Variants in DLEU7 observed in about 807,000 individuals in gnomAD.
DLEU7 encodes the protein deleted in lymphocytic leukemia 7, also known as leukemia-associated protein 7.
In DLEU7, 17 loss-of-function variants were observed where a neutral mutation model predicts 16.0. The ratio of observed to expected loss-of-function variants is 1.06; its 90% CI spans 0.73 to 1.59. The LOEUF (loss-of-function observed/expected upper bound fraction) is 1.59, where lower values mean the gene tolerates loss of function less well. Ranked by LOEUF, DLEU7 falls within the 40% of genes most tolerant of loss-of-function variation. DLEU7 has a pLI of 0.00. For missense variants in DLEU7, 308 were observed against 314.9 expected, an observed-to-expected ratio of 0.98 and a Z score of 0.17; for synonymous variants, 113 against 139.8, an observed-to-expected ratio of 0.81 and a Z score of 1.35.
At chr13:50,752,862 C>T (rs1291665037) in intron 1 of DLEU7, among the ~76,000 whole-genome samples, 1 of 152,088 alleles carries the variant, frequency 6.6e-6, no homozygotes, top group South Asian at 2.1e-4. Flanking sequence ...CGGGTTGCCA[C>T]TGCTGGCTCA....
chr13:50,711,051 T>C (rs773951507), downstream of DLEU7: 19 of 152,214 alleles, frequency 1.2e-4, no homozygotes, highest in Non-Finnish European at 1.8e-4. Flanking sequence ...ACCAACACTT[T>C]ACTATATATT....
intron 1 of DLEU7, among the ~76,000 whole-genome samples, chr13:50,839,434 TGTTG>T (rs1412706166): frequency 6.6e-6 from 1 of 152,256 alleles, no homozygotes; most frequent in Non-Finnish European, 1.5e-5. Context: ...AGGAGTATTG[TGTTG>T]GTTTCTTTAA....
intron 1 of DLEU7, among the ~76,000 whole-genome samples, chr13:50,735,455 T>A (rs1874038024): frequency 6.6e-6 from 1 of 152,134 alleles, no homozygotes; most frequent in African/African-American, 2.4e-5. Context: ...ACTCTTTGTA[T>A]ACTATGGAAT....
At chr13:50,824,528 A>G (rs1266106466) in intron 1 of DLEU7, among the ~76,000 whole-genome samples, 4 of 152,306 alleles carry the variant, frequency 2.6e-5, no homozygotes, top group Admixed American at 2.6e-4. Context: ...AAAATTTTTT[A>G]AAGATTATTT....
chr13:50,816,856 C>T (rs537632372), intron 1 of DLEU7, among the ~76,000 whole-genome samples: 1 of 151,958 alleles, frequency 6.6e-6, no homozygotes, highest in African/African-American at 2.4e-5. Context: ...GCTTAGTGTA[C>T]CTCTTCCCCT....
intron 1 of DLEU7, among the ~76,000 whole-genome samples, chr13:50,804,783 T>G (rs982875981): frequency 2.6e-5 from 4 of 152,100 alleles, no homozygotes; most frequent in Non-Finnish European, 4.4e-5. Flanking sequence ...ATCTGACAAA[T>G]TTATTCTAAA....
chr13:50,760,343 C>CT lies in DLEU7; in HGVS notation c.460-47104dup, dbSNP rs546707933. Among the ~76,000 whole-genome samples, 48 of 151,978 alleles carry CT rather than the reference C, an allele frequency of 3.2e-4. No individual in the cohort carries two copies. In the East Asian group the frequency reaches 6.9e-3, roughly 22 times the overall value. On this transcript the variant is annotated intron_variant, in intron 1 of 1. Transcript: ENST00000400393. The stretch of plus-strand genomic sequence containing the variant: ...AAGTACTTTTAAGCACTTCAGTATT[C>CT]TTTTTTTTGGTGGGAGCTGGGGGCA...
chr13:50,718,259 A>G (rs1267357175), intron 1 of DLEU7, among the ~76,000 whole-genome samples: 1 of 152,250 alleles, frequency 6.6e-6, no homozygotes, highest in African/African-American at 2.4e-5. Flanking sequence ...AATAATTAAT[A>G]CATAAATTCA....
intron 1 of DLEU7, among the ~76,000 whole-genome samples, chr13:50,741,092 A>G (rs1874238922): frequency 6.6e-6 from 1 of 152,170 alleles, no homozygotes; most frequent in Admixed American, 6.5e-5. Context: ...CATCTAAACA[A>G]TCTTCTCTTC....
intron 1 of DLEU7, among the ~76,000 whole-genome samples, chr13:50,720,169 A>T (rs1414748194): frequency 6.6e-6 from 1 of 152,224 alleles, no homozygotes; most frequent in Admixed American, 6.5e-5. Context: ...AGCCCAGGCC[A>T]ACCTCTAGGC....
Position 50,814,348 on chromosome 13 carries a change from G to GCAGC in DLEU7, c.459+28836_459+28839dup, listed in dbSNP as rs531695046. Among the ~76,000 whole-genome samples the GCAGC allele has an allele frequency of 5.9e-5, 9 of 151,784 alleles. No homozygotes were observed. In the East Asian group the frequency reaches 1.4e-3, roughly 23 times the overall value. On this transcript the variant is annotated intron_variant, in intron 1 of 1. Transcript: ENST00000400393. ...TCCATCCATCTATCCATTCACCCAG[G>GCAGC]CAGCCAGCCAGCCAGCCGTCCACTC...
chr13:50,827,354 A>T (rs1170127184), intron 1 of DLEU7, among the ~76,000 whole-genome samples: 3 of 152,150 alleles, frequency 2.0e-5, no homozygotes, highest in African/African-American at 7.2e-5. Context: ...AATACATAAA[A>T]CTTCAAAATC....
rs370851244 is a variant in DLEU7 at position 50,713,281 on chromosome 13, C to G, written c.460-41G>C. On this transcript the variant is annotated intron_variant, in intron 1 of 1. Transcript: ENST00000400393. ...CATAATATCTCAAATGCTTGCTTTG[C>G]ATTTTTTATATTCATTGATTCAACA... The G allele has an allele frequency of 1.9e-6, 3 of 1,590,262 alleles. No individual in the cohort carries two copies. In the African/African-American group the frequency reaches 4.0e-5, roughly 21 times the overall value.
rs960679916 is a variant in DLEU7, at chr13:50,833,266, T to C, written c.460-9746A>G. Among the ~76,000 whole-genome samples, 3 of 152,214 alleles carry C rather than the reference T, an allele frequency of 2.0e-5. No individual in the cohort carries two copies. In the East Asian group the frequency reaches 5.8e-4, roughly 29 times the overall value. On this transcript the variant is annotated intron_variant, in intron 1 of 1. Coordinates refer to ENST00000504404, the MANE Select transcript of DLEU7 (RefSeq NM_001306135.2). ...AGAGAGGAAGTCAAATTGCCTCTGT[T>C]TGCAGATGACATGATTGTATATTTA...
At chr13:50,808,915 G>C (rs1241024513) in intron 1 of DLEU7, among the ~76,000 whole-genome samples, 1 of 151,810 alleles carries the variant, frequency 6.6e-6, no homozygotes. Flanking sequence ...AACAAAAAGG[G>C]AAATTAAAAA....
At position 50,756,909 on chromosome 13, in the gene DLEU7, C is replaced by T. The variant is rs145081109; in HGVS notation, c.460-43669G>A. On this transcript the variant is annotated intron_variant, in intron 1 of 1. Transcript: ENST00000400393. ...GGCCTTTCCCGCTGCTTCCTCTACC[C>T]CTGTATTTTGCTGGGCTCTCTAAAT... is the stretch of plus-strand genomic sequence containing the variant. Among the ~76,000 whole-genome samples the T allele has an allele frequency of 3.4e-3, 516 of 152,284 alleles. 7 individuals carry two copies. The highest frequency in any genetic ancestry group is 0.012 in the African/African-American group (487 of 41,556).
intron 1 of DLEU7, among the ~76,000 whole-genome samples, chr13:50,823,957 C>G (rs1432543754): frequency 1.3e-5 from 2 of 152,200 alleles, no homozygotes; most frequent in Non-Finnish European, 2.9e-5. Context: ...GAGTATGTGG[C>G]TCTAGCTATA....
chr13:50,734,976 G>A (rs1242083261), intron 1 of DLEU7, among the ~76,000 whole-genome samples: 2 of 152,164 alleles, frequency 1.3e-5, no homozygotes, highest in Non-Finnish European at 2.9e-5. Context: ...CATGCAAACA[G>A]TAAATCTTAA....
At chr13:50,749,726 T>C (rs1874508172) in intron 1 of DLEU7, among the ~76,000 whole-genome samples, 1 of 152,208 alleles carries the variant, frequency 6.6e-6, no homozygotes, top group African/African-American at 2.4e-5. Context: ...TGTTTGGCCA[T>C]TTGTATATCT....
Sources: gnomAD v4.1 joint callset for allele counts (sites outside exome capture counted in the v4.1 genomes callset) on GRCh38, gnomAD v4.1.1 for gene constraint, MANE v1.5 for transcripts, NCBI Gene and HGNC (gene_info 2026-07-23, HGNC 2026-07-21) for gene names.